Variants in RGS7 observed in about 807,000 individuals in gnomAD.
RGS7 encodes regulator of G-protein signaling 7.
In RGS7, 27 loss-of-function variants were observed where a neutral mutation model predicts 81.1. That is an observed-to-expected ratio of 0.33 (90% confidence interval 0.25 to 0.46). The LOEUF is 0.46. RGS7 is among the 20% of genes least tolerant of loss of function. The pLI is 1.00. For missense variants in RGS7, 396 were observed against 607.4 expected (o/e 0.65, Z 3.66); for synonymous variants, 208 against 207.7 (o/e 1.00, Z -0.01).
intron 4 of RGS7, among the ~76,000 whole-genome samples, chr1:240,963,342 A>C: frequency 6.6e-6 from 1 of 152,208 alleles, no homozygotes; most frequent in East Asian, 1.9e-4. Flanking sequence ...TGTAGTGGTT[A>C]TCATACCAAC....
chr1:241,154,237 G>A (rs1262085614), intron 2 of RGS7, among the ~76,000 whole-genome samples: 1 of 152,208 alleles, frequency 6.6e-6, no homozygotes. Context: ...TGGGCAGTTG[G>A]TTAGGTCTGG....
At position 241,163,348 on chromosome 1, in the gene RGS7, T is replaced by C. The variant is rs116818363; in HGVS notation, c.79-64586A>G. 0.01 allele frequency among the ~76,000 whole-genome samples: 1,542 copies of C among 152,190 alleles called. 27 individuals carry two copies. The highest frequency in any genetic ancestry group is 0.035 in the African/African-American group (1,454 of 41,500). On this transcript the variant is annotated intron_variant, in intron 2 of 18. Transcript: ENST00000440928. The surrounding 1 kb of genome is among the most constrained non-coding windows in gnomAD (Gnocchi z 4.6). Reference sequence around the variant, plus strand: ...GAGGAAATCAAAATATCTCAAAACATCCTTCTCGGACATATTTTGAGATGG... The same window carrying C: ...GAGGAAATCAAAATATCTCAAAACACCCTTCTCGGACATATTTTGAGATGG...
intron 2 of RGS7, among the ~76,000 whole-genome samples, chr1:241,348,496 G>C (rs2083044310): frequency 6.6e-6 from 1 of 152,174 alleles, no homozygotes; most frequent in African/African-American, 2.4e-5. Flanking sequence ...AAGTCTTAGT[G>C]GATTTATTGA....
Position 241,245,870 on chromosome 1 carries a change from C to T in RGS7, c.78+109829G>A, listed in dbSNP as rs540197940. Among the ~76,000 whole-genome samples the T allele has an allele frequency of 7.9e-5, 12 of 151,788 alleles. No individual in the cohort carries two copies. In the South Asian group the frequency reaches 1.7e-3, roughly 21 times the overall value. ...CTGTAATCCCAGCACTTTGGGAGGC[C>T]GAGGTGGGTGGATCATGAGGTCAGG... On this transcript the variant is annotated intron_variant, in intron 2 of 18. Coordinates refer to ENST00000440928, the MANE Select transcript of RGS7 (RefSeq NM_001364886.1).
chr1:240,776,289 C>T (rs1428903109), intron 18 of RGS7, 76 bp from the exon 19 acceptor site: 53 of 1,068,156 alleles, frequency 5.0e-5, no homozygotes, highest in Non-Finnish European at 7.8e-5. Flanking sequence ...GTAGTAGCAA[C>T]TATTTACTGT....
intron 3 of RGS7, among the ~76,000 whole-genome samples, chr1:241,083,737 T>C (rs2063283208): frequency 6.6e-6 from 1 of 152,246 alleles, no homozygotes; most frequent in Non-Finnish European, 1.5e-5. Flanking sequence ...TATCTGTTTG[T>C]ATCCTTGAAT....
At chr1:241,139,876 A>C (rs149071839) in intron 2 of RGS7, among the ~76,000 whole-genome samples, 127 of 152,208 alleles carry the variant, frequency 8.3e-4, no homozygotes, top group African/African-American at 2.9e-3. Context: ...TTAGAAAAAA[A>C]CTCTTCTGAT....
intron 2 of RGS7, among the ~76,000 whole-genome samples, chr1:241,196,768 ATAAAT>A (rs1259739847): frequency 1.3e-5 from 2 of 152,186 alleles, no homozygotes; most frequent in South Asian, 2.1e-4. Flanking sequence ...ACATGAGAAC[ATAAAT>A]TAGAGTATGG....
chr1:241,147,066 A>G (rs1319043491), intron 2 of RGS7, among the ~76,000 whole-genome samples: 1 of 152,132 alleles, frequency 6.6e-6, no homozygotes, highest in Non-Finnish European at 1.5e-5. Flanking sequence ...CTCTGTGTGC[A>G]CATTTATTTC....
chr1:241,246,546 G>C (rs1271494516), intron 2 of RGS7, among the ~76,000 whole-genome samples: 2 of 152,118 alleles, frequency 1.3e-5, no homozygotes, highest in African/African-American at 4.8e-5. Flanking sequence ...AAAAACTGAA[G>C]ATGAAAAGAA....
intron 3 of RGS7, among the ~76,000 whole-genome samples, chr1:241,047,453 C>G (rs2060995112): frequency 6.7e-6 from 1 of 149,742 alleles, no homozygotes; most frequent in Non-Finnish European, 1.5e-5. Flanking sequence ...GAAGGATTAC[C>G]TGTTAAACAC....
intron 3 of RGS7, among the ~76,000 whole-genome samples, chr1:241,040,375 C>G (rs887332052): frequency 1.8e-4 from 27 of 152,156 alleles, no homozygotes; most frequent in Admixed American, 1.7e-3. Flanking sequence ...GTTTAATGAA[C>G]AGCTTTTTCT....
rs975737840 is a variant in RGS7 at position 241,163,873 on chromosome 1, G to C, written c.79-65111C>G. ...TCAATTTTGCAGCAGACTGAAGCTG[G>C]AAGTCCTCTAATTCAGTTCCACTCT... On this transcript the variant is annotated intron_variant, in intron 2 of 18. Transcript: ENST00000440928. The surrounding 1 kb of genome is among the most constrained non-coding windows in gnomAD (Gnocchi z 4.6). 6.6e-6 allele frequency among the ~76,000 whole-genome samples: 1 copy of C among 150,458 alleles called. No individual in the cohort carries two copies. The highest frequency in any genetic ancestry group is 1.5e-5 in the Non-Finnish European group (1 of 68,020).
At chr1:241,321,083 T>C (rs559064151) in intron 2 of RGS7, among the ~76,000 whole-genome samples, 86 of 152,304 alleles carry the variant, frequency 5.6e-4, no homozygotes, top group African/African-American at 2.0e-3. Flanking sequence ...GAAAAGATAA[T>C]TTTATGAAGA....
At chr1:241,334,095 G>C (rs112676382) in intron 2 of RGS7, among the ~76,000 whole-genome samples, 3,820 of 151,724 alleles carry the variant, frequency 0.025, 97 homozygotes, top group African/African-American at 0.064. Flanking sequence ...ACTCTTGAAA[G>C]TATTTTAGTA....
Position 240,793,611 on chromosome 1 carries a change from A to ATATATTTTTTTTTTTTTTTTTT in RGS7, c.*6+7029_*6+7030insAAAAAAAAAAAAAAAAAATATA. On this transcript the variant is annotated intron_variant, in intron 18 of 18. Transcript: ENST00000440928. The stretch of plus-strand genomic sequence containing the variant: ...AATATATATATATATATATATATAT[A>ATATATTTTTTTTTTTTTTTTTT]TTTTTTTTTTTTTTTTGAGACAGAG... 5.1e-5 allele frequency among the ~76,000 whole-genome samples: 4 copies of ATATATTTTTTTTTTTTTTTTTT among 78,810 alleles called. 1 individual carries two copies. The highest frequency in any genetic ancestry group is 3.9e-4 in the African/African-American group (4 of 10,302). 51.7% of individuals were successfully genotyped at this position (78,810 alleles called of 152,430 possible).
At chr1:240,850,399 GT>G (rs1188574176) in intron 9 of RGS7, among the ~76,000 whole-genome samples, 2 of 152,168 alleles carry the variant, frequency 1.3e-5, no homozygotes, top group African/African-American at 2.4e-5. Context: ...TGTCGTGATC[GT>G]TTTGGGATGC....
intron 13 of RGS7, among the ~76,000 whole-genome samples, chr1:240,812,277 T>C (rs1689982722): frequency 6.6e-6 from 1 of 152,178 alleles, no homozygotes; most frequent in Non-Finnish European, 1.5e-5. Flanking sequence ...ATAAATGGTC[T>C]CTTTTTGTTT....
intron 9 of RGS7, among the ~76,000 whole-genome samples, chr1:240,837,597 A>C (rs1694932022): frequency 6.6e-6 from 1 of 152,194 alleles, no homozygotes; most frequent in South Asian, 2.1e-4. Flanking sequence ...AACACCTTAA[A>C]CATTTTTACT....
Sources: allele counts gnomAD v4.1 joint callset (sites outside exome capture counted in the v4.1 genomes callset), GRCh38; gene constraint gnomAD v4.1.1; non-coding constraint Gnocchi (gnomAD v3.1); transcripts MANE v1.5; gene names NCBI Gene and HGNC (gene_info 2026-07-23, HGNC 2026-07-21).